The following RIN3 variants were observed in gnomAD, a reference collection of about 807,000 sequenced individuals.
RIN3 encodes Ras and Rab interactor 3.
RIN3 carries 54 observed loss-of-function variants against 76.3 expected under a neutral mutation model. The ratio of observed to expected loss-of-function variants is 0.71; its 90% CI spans 0.57 to 0.89. The LOEUF is 0.89. Among genes scored for constraint, RIN3 ranks in the 40% least tolerant of loss-of-function variants. The pLI, the probability that RIN3 is intolerant of heterozygous loss-of-function variation, is 0.00. For synonymous variants in RIN3, 576 were observed against 564.0 expected, an observed-to-expected ratio of 1.02 and a Z score of -0.30; for missense variants, 1,256 against 1,322.1, an observed-to-expected ratio of 0.95 and a Z score of 0.78.
At chr14:92,593,866 G>T (rs1252019813) in intron 3 of RIN3, among the ~76,000 whole-genome samples, 1 of 152,136 alleles carries the variant, frequency 6.6e-6, no homozygotes, top group African/African-American at 2.4e-5. Flanking sequence ...TAAGGCAAAA[G>T]CTGATGGAAC....
chr14:92,668,473 G>T (rs1888183725), intron 7 of RIN3, among the ~76,000 whole-genome samples: 1 of 152,220 alleles, frequency 6.6e-6, no homozygotes, highest in Non-Finnish European at 1.5e-5. Context: ...CAGGGAGCTG[G>T]AGTGTTTTCC....
At chr14:92,629,385 C>T (rs1248870398) in intron 4 of RIN3, among the ~76,000 whole-genome samples, 3 of 152,182 alleles carry the variant, frequency 2.0e-5, no homozygotes, top group African/African-American at 7.2e-5. Context: ...GTACACTCCA[C>T]AGTGTGGGAG....
intron 8 of RIN3, among the ~76,000 whole-genome samples, chr14:92,683,271 G>A (rs762020651): frequency 2.0e-5 from 3 of 152,178 alleles, no homozygotes; most frequent in Non-Finnish European, 2.9e-5. Context: ...GGAGGTGGGC[G>A]GCGCTGGGGA....
intron 4 of RIN3, among the ~76,000 whole-genome samples, chr14:92,631,790 G>A (rs898808513): frequency 6.6e-6 from 1 of 151,868 alleles, no homozygotes; most frequent in African/African-American, 2.4e-5. Flanking sequence ...TTTTAGTAGA[G>A]TCAGGGTTTC....
chr14:92,637,667 A>T (rs747984), intron 4 of RIN3, among the ~76,000 whole-genome samples: 79,613 of 151,932 alleles, frequency 0.52, 21,494 homozygotes, highest in Non-Finnish European at 0.6. Flanking sequence ...ACAAATGTTG[A>T]CAATAGCACT....
intron 4 of RIN3, among the ~76,000 whole-genome samples, chr14:92,631,724 C>T (rs560521920): frequency 1.3e-5 from 2 of 152,128 alleles, no homozygotes; most frequent in Non-Finnish European, 2.9e-5. Flanking sequence ...CCTCAGCCTC[C>T]CGAGTAGCTG....
intron 4 of RIN3, among the ~76,000 whole-genome samples, chr14:92,634,486 T>C (rs1317819783): frequency 6.6e-6 from 1 of 152,208 alleles, no homozygotes; most frequent in African/African-American, 2.4e-5. Flanking sequence ...TTAATCTTAA[T>C]ATTTTTTTAA....
chr14:92,553,116 A>C (rs35791550), intron 1 of RIN3, among the ~76,000 whole-genome samples: 2 of 151,412 alleles, frequency 1.3e-5, no homozygotes, highest in African/African-American at 4.9e-5. Flanking sequence ...CCCAGTCCCC[A>C]TTGCACAGAT....
chr14:92,676,341 T>G (rs1888460056), intron 7 of RIN3, 134 bp from the exon 8 acceptor site: 17 of 1,046,004 alleles, frequency 1.6e-5, no homozygotes, highest in East Asian at 2.5e-5. Context: ...CTGAGAGTCA[T>G]GAGAGAGCAG....
chr14:92,542,787 T>C (rs904613398), intron 1 of RIN3, among the ~76,000 whole-genome samples: 3 of 152,226 alleles, frequency 2.0e-5, no homozygotes, highest in African/African-American at 7.2e-5. Flanking sequence ...TAGCTGCTAC[T>C]ACATGGATGA....
intron 3 of RIN3, among the ~76,000 whole-genome samples, chr14:92,596,920 C>A (rs1885167080): frequency 6.6e-6 from 1 of 152,212 alleles, no homozygotes; most frequent in East Asian, 1.9e-4. Context: ...TTGTGTGAAT[C>A]TCTTCCCAAC....
intron 3 of RIN3, among the ~76,000 whole-genome samples, chr14:92,583,911 T>C (rs975192609): frequency 6.6e-6 from 1 of 152,174 alleles, no homozygotes; most frequent in East Asian, 1.9e-4. Context: ...CAGTTCACAA[T>C]AGGGTTCTTG....
At chr14:92,678,288 A>G (rs1360993589) in intron 8 of RIN3, among the ~76,000 whole-genome samples, 1 of 149,578 alleles carries the variant, frequency 6.7e-6, no homozygotes, top group African/African-American at 2.5e-5. Context: ...TCATCTGTCC[A>G]CCCACCTGCC....
Position 92,609,843 on chromosome 14 carries a change from C to CTGTG in RIN3, c.368-5524_368-5521dup, listed in dbSNP as rs34350495. Among the ~76,000 whole-genome samples, 1,162 of 138,440 alleles carry CTGTG rather than the reference C, an allele frequency of 8.4e-3. 7 individuals carry two copies. The highest frequency in any genetic ancestry group is 0.04 in the Middle Eastern group (11 of 276). The allele number at this position is 138,440 out of a possible 152,430, so 90.8% of individuals were successfully genotyped here. On this transcript the variant is annotated intron_variant, in intron 3 of 9. Coordinates refer to ENST00000216487, the MANE Select transcript of RIN3 (RefSeq NM_024832.5). ...CAGAATGCAGGAAGTGAAATTCAGT[C>CTGTG]TGTGTGTGTGTGTGTGTGTGTGTGT...
chr14:92,685,272 G>T lies in RIN3; in HGVS notation c.2631+122G>T. Reference sequence around the variant, plus strand: ...CCAGCCGCCCAGCCCTGCCTTAGGGGAGCAGTGAGACTCCCCACACCAGAG... The same window carrying T: ...CCAGCCGCCCAGCCCTGCCTTAGGGTAGCAGTGAGACTCCCCACACCAGAG... On this transcript the variant is annotated intron_variant, in intron 9 of 9. Coordinates refer to ENST00000216487, the MANE Select transcript of RIN3 (RefSeq NM_024832.5). This position sits in a 1 kb window ranked among gnomAD's most constrained non-coding sequence, Gnocchi z 4.7. 1 of 1,068,270 alleles carries T rather than the reference G, an allele frequency of 9.4e-7. No individual in the cohort carries two copies. Among genetic ancestry groups the T allele is most frequent in the Non-Finnish European group, 1.3e-6 (1 of 755,850 alleles). The allele number at this position is 1,068,270 out of a possible 1,614,324, so 66.2% of individuals were successfully genotyped here.
In RIN3 at chr14:92,625,551, G is replaced by A. The variant is rs151110517; in HGVS notation, c.440+10072G>A. Reference sequence around the variant, plus strand: ...GAGGTGGTCTACTATTATGCCATGAGCAGGACAGTTTCTTTTTCCTTCCCC... The same window carrying A: ...GAGGTGGTCTACTATTATGCCATGAACAGGACAGTTTCTTTTTCCTTCCCC... On this transcript the variant is annotated intron_variant, in intron 4 of 9. Coordinates refer to ENST00000216487, the MANE Select transcript of RIN3 (RefSeq NM_024832.5). Among the ~76,000 whole-genome samples, 8 of 152,288 alleles carry A rather than the reference G, an allele frequency of 5.3e-5. No homozygotes were observed. The South Asian group carries it at 6.2e-4, about 12-fold the overall frequency.
At position 92,688,425 on chromosome 14, in the gene RIN3, C is replaced by T. The variant is rs1888963701; in HGVS notation, c.*173C>T. ...ATAACATGACGCTCGTCCAAGGCCACTTCCTGAGGGCAAGTCCTAATAGCC... is the reference window on the plus strand; with the variant it reads ...ATAACATGACGCTCGTCCAAGGCCATTTCCTGAGGGCAAGTCCTAATAGCC... On this transcript the variant is annotated 3_prime_UTR_variant, in exon 10 of 10. Coordinates refer to ENST00000216487, the MANE Select transcript of RIN3 (RefSeq NM_024832.5). 3.2e-6 allele frequency: 2 copies of T among 633,222 alleles called. No individual in the cohort carries two copies. The highest frequency in any genetic ancestry group is 1.9e-5 in the African/African-American group (1 of 53,310). The allele number at this position is 633,222 out of a possible 1,614,324, so 39.2% of individuals were successfully genotyped here. A position where few individuals can be genotyped will look rare whatever the true frequency, so the allele number is the denominator to read the frequency against.
intron 1 of RIN3, among the ~76,000 whole-genome samples, chr14:92,528,020 A>G (rs1438053436): frequency 3.6e-5 from 5 of 140,392 alleles, no homozygotes; most frequent in African/African-American, 1.3e-4. Context: ...CTGCTATGTG[A>G]AGAAGGATGT....
At chr14:92,527,043 C>T (rs563947070) in intron 1 of RIN3, among the ~76,000 whole-genome samples, 1 of 144,284 alleles carries the variant, frequency 6.9e-6, no homozygotes, top group South Asian at 2.2e-4. Flanking sequence ...TGTTTCTCCC[C>T]ATCTTTTTTT....
Sources: gnomAD v4.1 joint callset for allele counts (sites outside exome capture counted in the v4.1 genomes callset) on GRCh38, gnomAD v4.1.1 for gene constraint, Gnocchi (gnomAD v3.1) non-coding constraint, MANE v1.5 for transcripts, NCBI Gene and HGNC (gene_info 2026-07-23, HGNC 2026-07-21) for gene names.